PKIB: variants seen among roughly 807,000 people sequenced by gnomAD.
PKIB encodes cAMP-dependent protein kinase inhibitor beta, also known as PKI-beta.
Under a neutral mutation model 4.5 loss-of-function variants are expected in PKIB, and 2 were observed. That is an observed-to-expected ratio of 0.44 (90% CI 0.18 to 1.39). The LOEUF is 1.39. Among genes scored for constraint, PKIB ranks in the 40% most tolerant of loss-of-function variants. The pLI is 0.27. For missense variants in PKIB, 94 were observed against 92.6 expected (o/e 1.02, Z -0.06); for synonymous variants, 38 against 36.0 (o/e 1.06, Z -0.20).
intron 2 of PKIB, among the ~76,000 whole-genome samples, chr6:122,513,747 G>C (rs1397433833): frequency 6.6e-6 from 1 of 152,146 alleles, no homozygotes; most frequent in Non-Finnish European, 1.5e-5. Context: ...TTCTGTTCTT[G>C]TGTTAATTTC....
intron 1 of PKIB, among the ~76,000 whole-genome samples, chr6:122,622,379 C>CTA (rs1775274425): frequency 1.3e-5 from 2 of 152,096 alleles, no homozygotes; most frequent in African/African-American, 4.8e-5. Flanking sequence ...CTGACAGCTA[C>CTA]TCCAAAGATT....
At chr6:122,706,793 A>C (rs982457415) in intron 3 of PKIB, among the ~76,000 whole-genome samples, 1 of 152,158 alleles carries the variant, frequency 6.6e-6, no homozygotes, top group African/African-American at 2.4e-5. Flanking sequence ...CATTATAGAA[A>C]ATTTGGAAAA....
intron 4 of PKIB, among the ~76,000 whole-genome samples, chr6:122,721,724 C>T (rs931158922): frequency 6.6e-6 from 1 of 151,876 alleles, no homozygotes; most frequent in Non-Finnish European, 1.5e-5. Context: ...ATTTAGTAAA[C>T]AGTTAAAGTG....
At chr6:122,619,710 A>G (rs1200003981) in intron 1 of PKIB, among the ~76,000 whole-genome samples, 4 of 152,072 alleles carry the variant, frequency 2.6e-5, no homozygotes, top group African/African-American at 9.7e-5. Context: ...TGGAACATAT[A>G]ATTTTGTTGG....
chr6:122,605,568 G>A (rs1325925986), upstream of PKIB, among the ~76,000 whole-genome samples: 1 of 152,070 alleles, frequency 6.6e-6, no homozygotes, highest in Non-Finnish European at 1.5e-5. Context: ...AAGCCCTTCT[G>A]AATCTTATAT....
At chr6:122,480,429 A>G (rs1381328431) in intron 2 of PKIB, 1 of 152,208 alleles carries the variant, frequency 6.6e-6, no homozygotes, top group Admixed American at 6.5e-5. Flanking sequence ...TTCTGATTTT[A>G]TGCATGTTTG....
chr6:122,589,879 G>A (rs186794953), intron 3 of PKIB, among the ~76,000 whole-genome samples: 3 of 152,254 alleles, frequency 2.0e-5, no homozygotes, highest in East Asian at 3.9e-4. Flanking sequence ...TTTTCTTCAA[G>A]TTCAAATAAG....
intron 2 of PKIB, among the ~76,000 whole-genome samples, chr6:122,541,598 C>T (rs1777605706): frequency 6.6e-6 from 1 of 151,978 alleles, no homozygotes; most frequent in Non-Finnish European, 1.5e-5. Flanking sequence ...TGACCTTTCT[C>T]TCTGGCTGCC....
chr6:122,499,321 C>G (rs528751017), intron 2 of PKIB, among the ~76,000 whole-genome samples: 43 of 152,254 alleles, frequency 2.8e-4, no homozygotes, highest in African/African-American at 1.0e-3. Context: ...TAATAAAATA[C>G]TAGTAAACCA....
chr6:122,601,069 A>G (rs1361214833), intron 3 of PKIB, among the ~76,000 whole-genome samples: 2 of 152,230 alleles, frequency 1.3e-5, no homozygotes, highest in East Asian at 3.9e-4. Flanking sequence ...AGTAAAAAAA[A>G]AAAATCAGTG....
chr6:122,641,468 T>G (rs949619597), intron 2 of PKIB, among the ~76,000 whole-genome samples: 3 of 152,108 alleles, frequency 2.0e-5, no homozygotes, highest in Non-Finnish European at 4.4e-5. Flanking sequence ...AAAGCTAAAC[T>G]GGATGGGAAG....
chr6:122,497,044 C>A (rs1776093071), intron 2 of PKIB, among the ~76,000 whole-genome samples: 1 of 152,190 alleles, frequency 6.6e-6, no homozygotes, highest in South Asian at 2.1e-4. Context: ...AGAAACCTTT[C>A]AAGCTTGAAG....
At chr6:122,717,472 C>T (rs557562382) in intron 3 of PKIB, 1 of 383,078 alleles carries the variant, frequency 2.6e-6, no homozygotes, top group African/African-American at 2.1e-5. Context: ...CTTCCAAGCC[C>T]TAGTTTGGCT....
chr6:122,481,688 G>A (rs2114517934), intron 2 of PKIB: 1 of 152,218 alleles, frequency 6.6e-6, no homozygotes, highest in African/African-American at 2.4e-5. Flanking sequence ...GTTTGTGTGT[G>A]TACATACACA....
chr6:122,597,468 T>C (rs762252412), intron 3 of PKIB, among the ~76,000 whole-genome samples: 2 of 152,186 alleles, frequency 1.3e-5, no homozygotes, highest in African/African-American at 2.4e-5. Flanking sequence ...AATGAAACCA[T>C]ATCTGGTACA....
chr6:122,583,849 GC>G (rs1773776535), intron 2 of PKIB, among the ~76,000 whole-genome samples: 1 of 152,092 alleles, frequency 6.6e-6, no homozygotes, highest in African/African-American at 2.4e-5. Flanking sequence ...GAGCAAAGAG[GC>G]CAACTGTTAG....
intron 3 of PKIB, among the ~76,000 whole-genome samples, chr6:122,694,695 A>G (rs191282291): frequency 6.6e-6 from 1 of 152,342 alleles, no homozygotes; most frequent in Non-Finnish European, 1.5e-5. Context: ...CAAAGCTATA[A>G]AAAGAAAATA....
intron 2 of PKIB, among the ~76,000 whole-genome samples, chr6:122,569,021 A>T (rs1778936785): frequency 6.6e-6 from 1 of 151,498 alleles, no homozygotes; most frequent in Non-Finnish European, 1.5e-5. Context: ...CCCTTTGCAA[A>T]CTCTTCTGTG....
chr6:122,682,309 G>C (rs1056238790), intron 3 of PKIB, among the ~76,000 whole-genome samples: 2 of 152,054 alleles, frequency 1.3e-5, no homozygotes, highest in Admixed American at 6.5e-5. Context: ...TTGAATGTTT[G>C]CCAACATGGG....
Sources: gnomAD v4.1 joint callset for allele counts (sites outside exome capture counted in the v4.1 genomes callset) on GRCh38, gnomAD v4.1.1 for gene constraint, MANE v1.5 for transcripts, NCBI Gene and HGNC (gene_info 2026-07-23, HGNC 2026-07-21) for gene names.